Variants in FANCC observed in about 807,000 individuals in gnomAD.
FANCC encodes the protein FA complementation group C, also known as Fanconi anemia group C protein.
In FANCC, 55 loss-of-function variants were observed where a neutral mutation model predicts 71.3. The ratio of observed to expected loss-of-function variants is 0.77; its 90% CI spans 0.62 to 0.97. The LOEUF is 0.97. Ranked by LOEUF, FANCC falls within the 50% of genes least tolerant of loss-of-function variation. FANCC has a pLI of 0.00. For synonymous variants in FANCC, 275 were observed against 244.9 expected (o/e 1.12, Z -1.15); for missense variants, 678 against 670.9 (o/e 1.01, Z -0.12).
intron 4 of FANCC, among the ~76,000 whole-genome samples, chr9:95,197,091 C>T (rs1827501530): frequency 6.6e-6 from 1 of 152,084 alleles, no homozygotes; most frequent in Non-Finnish European, 1.5e-5. Context: ...AACAGAAGTC[C>T]CTCATGACCT....
At chr9:95,287,605 C>T (rs770627901) in intron 1 of FANCC, among the ~76,000 whole-genome samples, 17 of 152,192 alleles carry the variant, frequency 1.1e-4, no homozygotes, top group Non-Finnish European at 2.1e-4. Context: ...GAGAAAAATG[C>T]TTTCCATAGA....
chr9:95,108,450 C>T (rs1403999141), intron 13 of FANCC, among the ~76,000 whole-genome samples: 1 of 152,198 alleles, frequency 6.6e-6, no homozygotes, highest in East Asian at 1.9e-4. Flanking sequence ...TTTCTCTTGA[C>T]CCACAACCGA....
chr9:95,124,480 T>C (rs1825660998), intron 10 of FANCC, among the ~76,000 whole-genome samples: 1 of 152,198 alleles, frequency 6.6e-6, no homozygotes, highest in South Asian at 2.1e-4. Flanking sequence ...AGCACAATCT[T>C]CTGCAGGGTG....
At chr9:95,214,487 A>C (rs1828725169) in intron 4 of FANCC, among the ~76,000 whole-genome samples, 1 of 152,194 alleles carries the variant, frequency 6.6e-6, no homozygotes, top group African/African-American at 2.4e-5. Flanking sequence ...ATGATCCAGC[A>C]ATTCCACTTC....
chr9:95,240,733 T>C lies in FANCC; in HGVS notation c.261A>G (p.Gln87=). ...NPFILAYDES[Q]KILIWCLCCL... ...AACATAAGCACCATATTAGAATTTT[T>C]TGGCTTTCATCTACAAAAAGGAAAA... The change falls in exon 4 of 15, where the codon CAA becomes CAG. Residue 87 remains glutamine, a synonymous_variant. Coordinates refer to ENST00000289081, the MANE Select transcript of FANCC (RefSeq NM_000136.3). The C allele has an allele frequency of 1.2e-6, 2 of 1,609,644 alleles. No individual in the cohort carries two copies. The highest frequency in any genetic ancestry group is 8.5e-7 in the Non-Finnish European group (1 of 1,176,702).
intron 6 of FANCC, among the ~76,000 whole-genome samples, chr9:95,163,057 T>C (rs1830848633): frequency 6.6e-6 from 1 of 152,226 alleles, no homozygotes; most frequent in African/African-American, 2.4e-5. Context: ...ACTTTTCTCC[T>C]ACAGTTTCAG....
In FANCC at chr9:95,236,179, A is replaced by G. The variant is rs1033442942; in HGVS notation, c.345+4470T>C. 8.5e-5 allele frequency among the ~76,000 whole-genome samples: 13 copies of G among 152,154 alleles called. No individual in the cohort carries two copies. The South Asian group carries it at 1.0e-3, about 12-fold the overall frequency. On this transcript the variant is annotated intron_variant, in intron 4 of 14. Transcript: ENST00000289081. ...TTTTGTCTTTTTTTCTTTCTATCAG[A>G]ATCAAAAAATAATAGTGGTATGGTT...
chr9:95,275,129 A>T (rs1832962995), intron 1 of FANCC, among the ~76,000 whole-genome samples: 1 of 151,600 alleles, frequency 6.6e-6, no homozygotes, highest in Non-Finnish European at 1.5e-5. Context: ...AAAAAAGAAA[A>T]ATAAATTAGC....
chr9:95,259,075 C>T (rs1164049979), intron 1 of FANCC, among the ~76,000 whole-genome samples: 4 of 152,032 alleles, frequency 2.6e-5, no homozygotes, highest in African/African-American at 9.7e-5. Context: ...TCCATGCTCA[C>T]GGATAGGAAG....
chr9:95,300,424 A>T (rs1834651238), intron 1 of FANCC, among the ~76,000 whole-genome samples: 1 of 152,184 alleles, frequency 6.6e-6, no homozygotes, highest in African/African-American at 2.4e-5. Context: ...GATAACCAAG[A>T]AAAAGAAGTC....
intron 14 of FANCC, among the ~76,000 whole-genome samples, chr9:95,103,045 G>A (rs1282377966): frequency 1.3e-5 from 2 of 152,158 alleles, no homozygotes; most frequent in Non-Finnish European, 2.9e-5. Flanking sequence ...AGTGCTGATG[G>A]CCTTCGGTAG....
chr9:95,221,427 T>G (rs1202425206), intron 4 of FANCC, among the ~76,000 whole-genome samples: 1 of 152,078 alleles, frequency 6.6e-6, no homozygotes, highest in Non-Finnish European at 1.5e-5. Context: ...CTTCATAAAC[T>G]TGACATAGGC....
chr9:95,219,619 G>A (rs940773442), intron 4 of FANCC, among the ~76,000 whole-genome samples: 2 of 152,176 alleles, frequency 1.3e-5, no homozygotes, highest in Non-Finnish European at 2.9e-5. Context: ...ATGGGGAAAG[G>A]ATTCCCTATT....
At chr9:95,157,394 A>G (rs1463707079) in intron 6 of FANCC, among the ~76,000 whole-genome samples, 1 of 152,236 alleles carries the variant, frequency 6.6e-6, no homozygotes, top group Non-Finnish European at 1.5e-5. Context: ...AAAGTCAACA[A>G]TTCAGTGACA....
chr9:95,180,373 G>A (rs1288637534), intron 4 of FANCC, among the ~76,000 whole-genome samples: 1 of 130,844 alleles, frequency 7.6e-6, no homozygotes, highest in Non-Finnish European at 1.6e-5. Context: ...TTGAGACAGG[G>A]TATTGCTCTG....
chr9:95,131,887 C>T (rs545756053), intron 8 of FANCC, among the ~76,000 whole-genome samples: 34 of 152,040 alleles, frequency 2.2e-4, no homozygotes, highest in African/African-American at 8.2e-4. Context: ...ACAATTGCTA[C>T]CTGGAGAATG....
chr9:95,217,558 T>A (rs1033051431), intron 4 of FANCC, among the ~76,000 whole-genome samples: 8 of 150,786 alleles, frequency 5.3e-5, no homozygotes, highest in African/African-American at 4.9e-5. Flanking sequence ...AATTAGTAAA[T>A]TTTTTTTAAC....
At chr9:95,111,089 G>A (rs891408563) in intron 13 of FANCC, 27 of 1,516,610 alleles carry the variant, frequency 1.8e-5, no homozygotes, top group Admixed American at 4.0e-5. Flanking sequence ...GGCCCTGGCT[G>A]TGGCCAGGCT....
chr9:95,267,655 A>G (rs966942228), intron 1 of FANCC, among the ~76,000 whole-genome samples: 3 of 152,216 alleles, frequency 2.0e-5, no homozygotes, highest in Non-Finnish European at 4.4e-5. Flanking sequence ...TTTAGATGCT[A>G]AAAAATCCTA....
Sources: allele counts gnomAD v4.1 joint callset (sites outside exome capture counted in the v4.1 genomes callset), GRCh38; gene constraint gnomAD v4.1.1; transcripts MANE v1.5; gene names NCBI Gene and HGNC (gene_info 2026-07-23, HGNC 2026-07-21).